KDM6A: variants seen among roughly 807,000 people sequenced by gnomAD.
KDM6A encodes the protein lysine-specific demethylase 6A.
In KDM6A, 11 loss-of-function variants were observed where a neutral mutation model predicts 117.6. The ratio of observed to expected loss-of-function variants is 0.09; its 90% confidence interval spans 0.06 to 0.15. The LOEUF (loss-of-function observed/expected upper bound fraction) is 0.15, where lower values mean the gene tolerates loss of function less well. KDM6A is among the 10% of genes least tolerant of loss of function. The pLI is 1.00. For synonymous variants in KDM6A, 384 were observed against 396.1 expected, an observed-to-expected ratio of 0.97 and a Z score of 0.36; for missense variants, 799 against 1,077.3, an observed-to-expected ratio of 0.74 and a Z score of 3.62.
intron 4 of KDM6A, among the ~76,000 whole-genome samples, chrX:44,979,675 C>T (rs1666539298): frequency 9.1e-6 from 1 of 110,431 alleles, no homozygotes; most frequent in South Asian, 3.8e-4. Context: ...TAAAATATTT[C>T]CTCACCTTTT....
chrX:44,944,556 A>G (rs1194543481), intron 2 of KDM6A, among the ~76,000 whole-genome samples: 4 of 111,484 alleles, frequency 3.6e-5, no homozygotes, highest in Admixed American at 9.6e-5. Context: ...TGAACACAGT[A>G]TCTTCTCTGC....
chrX:44,941,462 A>G (rs747948405), intron 2 of KDM6A, among the ~76,000 whole-genome samples: 1 of 106,648 alleles, frequency 9.4e-6, no homozygotes, highest in South Asian at 4.2e-4. Flanking sequence ...CCATCGTTGT[A>G]TATATGAATT....
intron 8 of KDM6A, among the ~76,000 whole-genome samples, chrX:45,040,453 C>G (rs1185855824): frequency 1.8e-3 from 146 of 78,956 alleles, no homozygotes; most frequent in East Asian, 3.5e-3. Context: ...GGGGCTGACC[C>G]CCCCCACCTC....
chrX:44,917,765 T>G (rs1035959712), intron 2 of KDM6A, among the ~76,000 whole-genome samples: 9 of 112,325 alleles, frequency 8.0e-5, no homozygotes, highest in African/African-American at 2.9e-4. Flanking sequence ...ATGGTGGAGC[T>G]GGAACTTAAA....
At chrX:44,980,337 T>A (rs1422764776) in intron 4 of KDM6A, among the ~76,000 whole-genome samples, 2 of 111,546 alleles carry the variant, frequency 1.8e-5, no homozygotes, top group Non-Finnish European at 3.8e-5. Context: ...GCTTTGGTTT[T>A]TCTAGGTCTT....
chrX:44,914,761 T>C (rs1453483189), intron 2 of KDM6A, among the ~76,000 whole-genome samples: 1 of 110,368 alleles, frequency 9.1e-6, no homozygotes, highest in East Asian at 2.8e-4. Flanking sequence ...CCACCCTTCT[T>C]ATTTACATCT....
At chrX:45,035,727 T>G (rs927432082) in intron 7 of KDM6A, among the ~76,000 whole-genome samples, 2 of 109,633 alleles carry the variant, frequency 1.8e-5, no homozygotes, top group African/African-American at 6.6e-5. Flanking sequence ...TGAGATGGAG[T>G]CTCACTCTGT....
intron 8 of KDM6A, among the ~76,000 whole-genome samples, chrX:45,042,308 A>AGAGGGG (rs2043303266): frequency 2.4e-5 from 2 of 84,293 alleles, no homozygotes; most frequent in Non-Finnish European, 4.2e-5. Context: ...GGGGAGAGGG[A>AGAGGGG]GAGTCATTTG....
chrX:44,952,209 T>G (rs979531379), intron 2 of KDM6A, among the ~76,000 whole-genome samples: 13 of 110,733 alleles, frequency 1.2e-4, no homozygotes, highest in Non-Finnish European at 2.3e-4. Flanking sequence ...TGCAGAGTAG[T>G]AGGCCCAAAG....
At chrX:44,927,406 G>A (rs768991626) in intron 2 of KDM6A, among the ~76,000 whole-genome samples, 121 of 110,772 alleles carry the variant, frequency 1.1e-3, no homozygotes, top group Non-Finnish European at 1.3e-3. Context: ...CATTATAGCT[G>A]CCTGAAGCTG....
chrX:44,898,781 TCAATTCCCTGTTTTGTCTTGCCAACA>T (rs2034092491), intron 2 of KDM6A, among the ~76,000 whole-genome samples: 1 of 110,479 alleles, frequency 9.1e-6, no homozygotes, highest in African/African-American at 3.3e-5. Context: ...GGATGGAAGA[TCAATTCCCTGTTTTGTCTTGCCAACA>T]CAACCCTGGT....
chrX:44,953,591 T>C (rs940617577), intron 2 of KDM6A, among the ~76,000 whole-genome samples: 6 of 111,927 alleles, frequency 5.4e-5, no homozygotes, highest in African/African-American at 2.0e-4. Context: ...AATATAATCT[T>C]GAATATGTTA....
At chrX:44,883,131 C>T in intron 2 of KDM6A, among the ~76,000 whole-genome samples, 3 of 106,997 alleles carry the variant, frequency 2.8e-5, no homozygotes, top group Middle Eastern at 4.7e-3. Flanking sequence ...TGCAGCGATG[C>T]TATCTCGGCT....
At chrX:45,089,604 C>T in intron 25 of KDM6A, 139 bp from the exon 26 acceptor site, 1 of 493,771 alleles carries the variant, frequency 2.0e-6, no homozygotes. Flanking sequence ...ATACATACAG[C>T]AGATCTTTTT....
intron 8 of KDM6A, among the ~76,000 whole-genome samples, chrX:45,050,368 TC>T (rs1387386645): frequency 1.8e-5 from 2 of 112,029 alleles, no homozygotes; most frequent in Non-Finnish European, 3.8e-5. Context: ...AAAAAACTGA[TC>T]ATCTCAATAG....
intron 2 of KDM6A, among the ~76,000 whole-genome samples, chrX:44,947,327 G>A (rs748407301): frequency 8.2e-5 from 9 of 110,030 alleles, no homozygotes; most frequent in South Asian, 3.8e-4. Flanking sequence ...TTAAATTCTC[G>A]TCTGAAGTTT....
chrX:44,893,575 T>C lies in KDM6A; in HGVS notation c.225+19588T>C, dbSNP rs187099329. Among the ~76,000 whole-genome samples, 979 of 102,406 alleles carry C rather than the reference T, an allele frequency of 9.6e-3. 12 individuals are homozygous for C. The highest frequency in any genetic ancestry group is 0.034 in the African/African-American group (944 of 27,949). The allele number at this position is 102,406 out of a possible 115,157, so 88.9% of individuals were successfully genotyped here. Reference sequence around the variant, plus strand: ...CCCAGGCTGGAGTGCAGTGGTGCAATCTGGGCTCACCACAACCTCCGCCTC... The same window carrying C: ...CCCAGGCTGGAGTGCAGTGGTGCAACCTGGGCTCACCACAACCTCCGCCTC... On this transcript the variant is annotated intron_variant, in intron 2 of 29. Transcript: ENST00000611820.
At chrX:45,110,014 A>G in intron 28 of KDM6A, 65 bp from the exon 29 acceptor site, 3 of 991,229 alleles carry the variant, frequency 3.0e-6, no homozygotes, top group South Asian at 1.9e-5. Context: ...TTCCATGATT[A>G]TACTAAAGCA....
rs2148046630 is a variant in KDM6A, at chrX:45,069,963, C to G, written c.2464C>G (p.Pro822Ala). The change falls in exon 18 of 30, where the codon CCA becomes GCA. Residue 822 changes from proline to alanine, a missense_variant. This residue lies in a region of KDM6A where 301 missense variants were observed against 318.3 expected (regional missense o/e 0.95). Coordinates refer to ENST00000611820, the MANE Select transcript of KDM6A (RefSeq NM_001291415.2). Reference sequence around the variant, plus strand: ...TCCTAGCCATGGAGATTCTAAGTCACCAGGTTTACTAAGTTCAGACAATCC... The same window carrying G: ...TCCTAGCCATGGAGATTCTAAGTCAGCAGGTTTACTAAGTTCAGACAATCC... ...CSPSHGDSKS[P>A]GLLSSDNPQL... The G allele has an allele frequency of 8.3e-7, 1 of 1,211,793 alleles. No homozygotes were observed. Among genetic ancestry groups the G allele is most frequent in the South Asian group, 1.8e-5 (1 of 57,001 alleles).
Sources: gnomAD v4.1 joint callset for allele counts (sites outside exome capture counted in the v4.1 genomes callset) on GRCh38, gnomAD v4.1.1 for gene constraint, gnomAD v4.1.1 regional missense constraint, MANE v1.5 for transcripts, NCBI Gene and HGNC (gene_info 2026-07-23, HGNC 2026-07-21) for gene names.